HSDL2: variants seen among roughly 807,000 people sequenced by gnomAD.
HSDL2 encodes the protein hydroxysteroid dehydrogenase-like protein 2.
In HSDL2, 27 loss-of-function variants were observed where a neutral mutation model predicts 46.3. The ratio of observed to expected loss-of-function variants is 0.58; its 90% confidence interval spans 0.43 to 0.80. The LOEUF is 0.80. Among genes scored for constraint, HSDL2 ranks in the 30% least tolerant of loss-of-function variants. The pLI is 0.00. For synonymous variants in HSDL2, 153 were observed against 163.6 expected, an observed-to-expected ratio of 0.94 and a Z score of 0.50; for missense variants, 451 against 502.7, an observed-to-expected ratio of 0.90 and a Z score of 0.98.
At position 112,393,413 on chromosome 9, in the gene HSDL2, G is replaced by A. The variant is rs1408497897; in HGVS notation, c.18-10582G>A. Reference sequence around the variant, plus strand: ...CACACTGCACTTGCATGTGATATTCGAGACTCATTAGCCAATCTCCAAGCC... The same window carrying A: ...CACACTGCACTTGCATGTGATATTCAAGACTCATTAGCCAATCTCCAAGCC... On this transcript the variant is annotated intron_variant, in intron 1 of 10. Transcript: ENST00000398805. 2.6e-5 allele frequency among the ~76,000 whole-genome samples: 4 copies of A among 152,120 alleles called. No homozygotes were observed. In the East Asian group the frequency reaches 5.8e-4, roughly 22 times the overall value.
chr9:112,401,261 C>T (rs1831585382), intron 1 of HSDL2, among the ~76,000 whole-genome samples: 2 of 152,004 alleles, frequency 1.3e-5, no homozygotes, highest in Non-Finnish European at 2.9e-5. Flanking sequence ...CAGTTCAAGA[C>T]CAACCTGGGT....
At chr9:112,438,835 G>GATATAT (rs10553470) in intron 7 of HSDL2, 1 of 240,246 alleles carries the variant, frequency 4.2e-6, no homozygotes, top group Non-Finnish European at 7.8e-6. Flanking sequence ...CTTTTGAAGT[G>GATATAT]ATATATATAT....
chr9:112,451,723 T>C (rs1028011535), intron 8 of HSDL2, among the ~76,000 whole-genome samples: 8 of 152,114 alleles, frequency 5.3e-5, no homozygotes, highest in South Asian at 4.1e-4. Context: ...CATAATTAAT[T>C]AGAAAGTGTT....
At chr9:112,396,660 C>G (rs771043559) in intron 1 of HSDL2, among the ~76,000 whole-genome samples, 11 of 152,092 alleles carry the variant, frequency 7.2e-5, no homozygotes, top group Non-Finnish European at 1.5e-4. Context: ...GATGTCATAC[C>G]TAACACCAGG....
chr9:112,446,939 T>G (rs1448205186), intron 8 of HSDL2, among the ~76,000 whole-genome samples: 1 of 152,212 alleles, frequency 6.6e-6, no homozygotes, highest in Non-Finnish European at 1.5e-5. Context: ...CGCGAGCCTC[T>G]CTTCTTTGTT....
At chr9:112,431,885 T>C (rs1047141134) in intron 6 of HSDL2, among the ~76,000 whole-genome samples, 1 of 150,482 alleles carries the variant, frequency 6.6e-6, no homozygotes, top group African/African-American at 2.4e-5. Context: ...TTTTTTTTTT[T>C]TTTTTTTGAG....
chr9:112,389,390 T>C (rs1339533602), intron 1 of HSDL2, among the ~76,000 whole-genome samples: 2 of 152,102 alleles, frequency 1.3e-5, no homozygotes, highest in Admixed American at 1.3e-4. Flanking sequence ...GGAGAGAAAA[T>C]GAGCACAAAT....
intron 8 of HSDL2, among the ~76,000 whole-genome samples, chr9:112,453,260 G>GC (rs1284642062): frequency 6.6e-6 from 1 of 152,208 alleles, no homozygotes; most frequent in African/African-American, 2.4e-5. Flanking sequence ...CAGTTCCACA[G>GC]CTGATATTTT....
At chr9:112,413,514 GAAAT>G (rs1831926103) in intron 4 of HSDL2, among the ~76,000 whole-genome samples, 1 of 139,508 alleles carries the variant, frequency 7.2e-6, no homozygotes, top group East Asian at 2.1e-4. Context: ...GAAAAGAAAA[GAAAT>G]ATTTCTATTT....
At position 112,454,108 on chromosome 9, in the gene HSDL2, C is replaced by T. The variant is rs1276760685; in HGVS notation, c.961C>T (p.Leu321Phe). Residue 321 changes from leucine (L) to phenylalanine (F), a missense_variant, in exon 9 of 11, where the codon CTC becomes TTC. Transcript: ENST00000398805. ...EETFRIVKDS[L>F]SDDVVKATQA... ...AACATTTAGAATTGTTAAGGACTCT[C>T]TCAGTGATGATGTTGTTAAAGCCAC... is the stretch of plus-strand genomic sequence containing the variant. 6 of 1,613,842 alleles carry T rather than the reference C, an allele frequency of 3.7e-6. No homozygotes were observed. In the African/African-American group the frequency reaches 8.0e-5, roughly 22 times the overall value.
chr9:112,470,980 T>C lies in HSDL2; in HGVS notation c.*436T>C, dbSNP rs1170267223. 6.6e-6 allele frequency: 1 copy of C among 152,370 alleles called. No individual in the cohort carries two copies. The highest frequency in any genetic ancestry group is 1.5e-5 in the Non-Finnish European group (1 of 68,166). 9.4% of individuals were successfully genotyped at this position (152,370 alleles called of 1,614,324 possible). A position where few individuals can be genotyped will look rare whatever the true frequency, so the allele number is the denominator to read the frequency against. ...GATGTTTTTGATTTTTATATACTTATTTTAAAGAAAATCTTATATAGTACA... is the reference window on the plus strand; with the variant it reads ...GATGTTTTTGATTTTTATATACTTACTTTAAAGAAAATCTTATATAGTACA... On this transcript the variant is annotated 3_prime_UTR_variant, in exon 11 of 11. Coordinates refer to ENST00000398805, the MANE Select transcript of HSDL2 (RefSeq NM_032303.5).
chr9:112,451,248 AAAT>A (rs1429920131), intron 8 of HSDL2, among the ~76,000 whole-genome samples: 19 of 152,212 alleles, frequency 1.2e-4, no homozygotes, highest in Non-Finnish European at 2.4e-4. Context: ...ATTGGCTTCT[AAAT>A]AATAATACCT....
At chr9:112,430,068 A>G (rs2132659631) in intron 6 of HSDL2, among the ~76,000 whole-genome samples, 1 of 151,848 alleles carries the variant, frequency 6.6e-6, no homozygotes, top group South Asian at 2.1e-4. Context: ...TGGGCAACAG[A>G]GTTAAACCCT....
At chr9:112,418,315 G>T (rs1277990696) in intron 5 of HSDL2, among the ~76,000 whole-genome samples, 1 of 151,954 alleles carries the variant, frequency 6.6e-6, no homozygotes, top group Non-Finnish European at 1.5e-5. Context: ...GGGTACGGTG[G>T]CTCGTACCTG....
rs190926586 is a variant in HSDL2, at chr9:112,380,713, A to G, written c.17+533A>G. On this transcript the variant is annotated intron_variant, in intron 1 of 10. Transcript: ENST00000398805. ...TGTTAAAATACGTACAAAATCTGCC[A>G]TCTTAACCGTTTTTTAAGTGTACAC... Among the ~76,000 whole-genome samples the G allele has an allele frequency of 9.9e-5, 15 of 152,278 alleles. No homozygotes were observed. In the East Asian group the frequency reaches 2.9e-3, roughly 29 times the overall value.
chr9:112,437,148 TG>T (rs1405464539), intron 6 of HSDL2, among the ~76,000 whole-genome samples: 1 of 151,814 alleles, frequency 6.6e-6, no homozygotes, highest in Non-Finnish European at 1.5e-5. Context: ...TTAGTAGAGA[TG>T]GGGTTTCACC....
intron 1 of HSDL2, among the ~76,000 whole-genome samples, chr9:112,391,870 G>A (rs1406902280): frequency 7.5e-6 from 1 of 132,694 alleles, no homozygotes; most frequent in Non-Finnish European, 1.6e-5. Flanking sequence ...TGGGCGACAA[G>A]AGCAAAACTC....
At chr9:112,419,613 A>T (rs1832074971) in intron 6 of HSDL2, among the ~76,000 whole-genome samples, 1 of 152,210 alleles carries the variant, frequency 6.6e-6, no homozygotes, top group Non-Finnish European at 1.5e-5. Context: ...AGATTCTCAT[A>T]CTTTTGTTTT....
intron 8 of HSDL2, among the ~76,000 whole-genome samples, chr9:112,453,729 T>C (rs1245465131): frequency 2.0e-5 from 3 of 152,158 alleles, no homozygotes; most frequent in African/African-American, 7.2e-5. Flanking sequence ...AGAAGGTTTG[T>C]TTATGATAAA....
Sources: allele counts gnomAD v4.1 joint callset (sites outside exome capture counted in the v4.1 genomes callset), GRCh38; gene constraint gnomAD v4.1.1; transcripts MANE v1.5; gene names NCBI Gene and HGNC (gene_info 2026-07-23, HGNC 2026-07-21).